Variants in PTPRH observed in about 807,000 individuals in gnomAD.
PTPRH encodes receptor-type tyrosine-protein phosphatase H.
A neutral mutation model predicts 130.2 loss-of-function variants in PTPRH; 113 were observed. That is an observed-to-expected ratio of 0.87 (90% CI 0.75 to 1.01). The LOEUF is 1.01. Among genes scored for constraint, PTPRH ranks in the 50% least tolerant of loss-of-function variants. PTPRH has a pLI of 0.00. For synonymous variants in PTPRH, 556 were observed against 577.9 expected (o/e 0.96, Z 0.54); for missense variants, 1,430 against 1,425.0 (o/e 1.00, Z -0.06).
intron 3 of PTPRH, among the ~76,000 whole-genome samples, chr19:55,205,840 G>C (rs1373620656): frequency 6.6e-6 from 1 of 151,194 alleles, no homozygotes; most frequent in Non-Finnish European, 1.5e-5. Flanking sequence ...AATGTCAACT[G>C]TCTCATTGAT....
At chr19:55,207,370 G>T (rs368645325) in intron 1 of PTPRH, 171 bp from the exon 2 acceptor site, 3 of 665,990 alleles carry the variant, frequency 4.5e-6, no homozygotes, top group African/African-American at 3.6e-5. Context: ...TTCCTGGGTC[G>T]AGGAGAGAAG....
chr19:55,189,619 C>T (rs1600000331), intron 12 of PTPRH: 3 of 451,286 alleles, frequency 6.6e-6, no homozygotes, highest in Non-Finnish European at 8.9e-6. Context: ...CTCCCACTTG[C>T]GTAGGCCTGT....
chr19:55,185,735 G>A (rs878983280), intron 17 of PTPRH, 73 bp from the exon 18 acceptor site: 45 of 1,595,100 alleles, frequency 2.8e-5, no homozygotes, highest in Non-Finnish European at 3.3e-5. Context: ...CCAGGAGCGG[G>A]TTCCCTGGGG....
chr19:55,188,541 T>C (rs1221227239), intron 12 of PTPRH, among the ~76,000 whole-genome samples: 1 of 150,868 alleles, frequency 6.6e-6, no homozygotes, highest in East Asian at 1.9e-4. Context: ...TAAAATAAAA[T>C]AAAAAATAAT....
chr19:55,203,452 G>A (rs1475408678), intron 5 of PTPRH, among the ~76,000 whole-genome samples: 1 of 142,202 alleles, frequency 7.0e-6, no homozygotes, highest in Non-Finnish European at 1.5e-5. Flanking sequence ...GTTTCTCTCT[G>A]TTGCCCAGGC....
At chr19:55,207,265 G>A in intron 1 of PTPRH, 66 bp from the exon 2 acceptor site, 1 of 1,552,870 alleles carries the variant, frequency 6.4e-7, no homozygotes, top group Non-Finnish European at 8.8e-7. Context: ...GAGGCCGAGG[G>A]GCTGGGAGGA....
In PTPRH at chr19:55,196,611, G is replaced by A. The variant is rs770794405; in HGVS notation, c.2168C>T (p.Pro723Leu). ...GEAVSVLGLG[P>L]ARSYPATITT... ...GATGGTGGCTGGGTAGGACCGAGCC[G>A]GCCCGAGACCCAACACAGACACAGC... Residue 723 changes from proline (P) to leucine (L), a missense_variant, in exon 10 of 20, where the codon CCG (proline) becomes CTG (leucine). By Grantham distance (98) the Pro-to-Leu change is moderately conservative. Coordinates refer to ENST00000376350, the MANE Select transcript of PTPRH (RefSeq NM_002842.5). The A allele has an allele frequency of 2.7e-5, 43 of 1,613,654 alleles. No homozygotes were observed. The highest frequency in any genetic ancestry group is 7.7e-5 in the South Asian group (7 of 91,064).
intron 1 of PTPRH, 128 bp from the exon 2 acceptor site, chr19:55,207,327 T>C (rs76990668): frequency 0.062 from 63,417 of 1,029,594 alleles, 2,220 homozygotes; most frequent in African/African-American, 0.092. Flanking sequence ...GAGGGGCCGG[T>C]GTTAGGCTGG....
At chr19:55,203,760 T>C (rs1206994252) in intron 5 of PTPRH, 22 bp downstream of exon 5, 9 of 1,584,986 alleles carry the variant, frequency 5.7e-6, no homozygotes, top group Non-Finnish European at 7.8e-6. Flanking sequence ...GAAATAAAAA[T>C]AAAACAGCGG....
chr19:55,209,421 C>A lies in PTPRH; in HGVS notation c.13G>T (p.Gly5Cys). 6.4e-7 allele frequency: 1 copy of A among 1,558,144 alleles called. No individual in the cohort carries two copies. The highest frequency in any genetic ancestry group is 2.4e-5 in the East Asian group (1 of 42,008). The change falls in exon 1 of 20, where the codon GGC becomes TGC. Residue 5 changes from glycine to cysteine, a missense_variant. By Grantham distance (159) the Gly-to-Cys change is radical (BLOSUM62 -3). Coordinates refer to ENST00000376350, the MANE Select transcript of PTPRH (RefSeq NM_002842.5). The surrounding 1 kb of genome is among the most constrained non-coding windows in gnomAD (Gnocchi z 4.1). ...TTCCCCCAGACCCCGAGGCCCCCGC[C>A]AGCCCCAGCCATGCCTCCAGACACT... MAGA[G>C]GGLGVWGNLV...
intron 11 of PTPRH, 35 bp from the exon 12 acceptor site, chr19:55,191,583 G>A (rs964915482): frequency 1.2e-6 from 2 of 1,613,404 alleles, no homozygotes; most frequent in Non-Finnish European, 1.7e-6. Flanking sequence ...AGGCTCAGGG[G>A]GTGAGGCTGC....
In PTPRH at chr19:55,202,443, T is replaced by C. The variant is rs550356008; in HGVS notation, c.887-121A>G. The C allele has an allele frequency of 4.2e-5, 60 of 1,426,688 alleles. No individual in the cohort carries two copies. In the African/African-American group the frequency reaches 7.2e-4, roughly 17 times the overall value. The allele number at this position is 1,426,688 out of a possible 1,614,324, so 88.4% of individuals were successfully genotyped here. ...GGAGGCCCAGTTCTGCACTGTCCAGTGTGGCAGCCACGAGTTCCACGTGAG... is the reference window on the plus strand; with the variant it reads ...GGAGGCCCAGTTCTGCACTGTCCAGCGTGGCAGCCACGAGTTCCACGTGAG... On this transcript the variant is annotated intron_variant, in intron 5 of 19. Transcript: ENST00000376350.
At position 55,197,151 on chromosome 19, in the gene PTPRH, T is replaced by C. The variant is rs756058447; in HGVS notation, c.1956A>G (p.Val652=). The C allele has an allele frequency of 1.9e-6, 3 of 1,614,242 alleles. No individual in the cohort carries two copies. In the Admixed American group the frequency reaches 5.0e-5, roughly 27 times the overall value. The change falls in exon 9 of 20, where the codon GTA becomes GTG. Residue 652 remains valine (V), a synonymous_variant. Coordinates refer to ENST00000376350, the MANE Select transcript of PTPRH (RefSeq NM_002842.5). ...NFTVWAERND[V]ASSTQSLCAS... is the part of the protein sequence containing the mutation. ...CACAGAGGCTCTGCGTGGAACTGGCTACGTCATTCCTCTCTGCCCACACGG... is the reference window on the plus strand; with the variant it reads ...CACAGAGGCTCTGCGTGGAACTGGCCACGTCATTCCTCTCTGCCCACACGG...
intron 3 of PTPRH, 133 bp downstream of exon 3, chr19:55,206,556 T>C (rs1043124248): frequency 1.1e-5 from 10 of 951,204 alleles, no homozygotes; most frequent in African/African-American, 3.4e-5. Flanking sequence ...TGATAGAAAA[T>C]TGAAATTCTC....
Position 55,200,225 on chromosome 19 carries a change from A to G in PTPRH, c.1420+11T>C, listed in dbSNP as rs1376535891. The G allele has an allele frequency of 1.2e-6, 2 of 1,613,314 alleles. No homozygotes were observed. Among genetic ancestry groups the G allele is most frequent in the South Asian group, 1.1e-5 (1 of 91,052 alleles). On this transcript the variant is annotated intron_variant, in intron 7 of 19. Transcript: ENST00000376350. ...TCACCAAAACAGGGAGTGGCCGTTG[A>G]GGGTTCCTACCTGTGGAGATGCTGA...
At position 55,191,726 on chromosome 19, in the gene PTPRH, G is replaced by T. The variant is rs61734204; in HGVS notation, c.2273C>A (p.Ala758Asp). ...GAGAAACAGGAGGATGCCCACAAAG[G>T]CTCCGGCAATGACCCCTGTGGGGAG... is the stretch of plus-strand genomic sequence containing the variant. ...HTESAGVIAG[A>D]FVGILLFLIL... The change falls in exon 11 of 20, where the codon GCC becomes GAC. Residue 758 changes from alanine (A) to aspartate (D), a missense_variant. Transcript: ENST00000376350. The T allele has an allele frequency of 7.4e-3, 12,010 of 1,613,874 alleles. 52 individuals are homozygous for T. The highest frequency in any genetic ancestry group is 8.5e-3 in the Non-Finnish European group (10,082 of 1,179,878).
intron 13 of PTPRH, 42 bp from the exon 14 acceptor site, chr19:55,187,645 TCTA>T: frequency 6.7e-7 from 1 of 1,483,574 alleles, no homozygotes; most frequent in East Asian, 2.3e-5. Flanking sequence ...TTGGATTTTC[TCTA>T]CTTTCCCTCG....
At position 55,200,332 on chromosome 19, in the gene PTPRH, C is replaced by T. The variant is rs202145164; in HGVS notation, c.1324G>A (p.Ala442Thr). The stretch of plus-strand genomic sequence containing the variant: ...AAGGTTCCGGGCTCAAGTCTCTCAG[C>T]TGTCACACTGGTATTTGTTGTGTTT... ...TRNTTNTSVT[A>T]ERLEPGTLYT... The change falls in exon 7 of 20, where the codon GCT becomes ACT. Residue 442 changes from alanine to threonine, a missense_variant. By Grantham distance (58) the Ala-to-Thr change is moderately conservative (BLOSUM62 0). Transcript: ENST00000376350. 8.2e-5 allele frequency: 132 copies of T among 1,614,092 alleles called. No homozygotes were observed. Among genetic ancestry groups the T allele is most frequent in the Non-Finnish European group, 1.1e-4 (128 of 1,180,054 alleles).
rs2086419383 is a variant in PTPRH at position 55,188,146 on chromosome 19, C to T, written c.2407G>A (p.Glu803Lys). 1 of 1,614,060 alleles carries T rather than the reference C, an allele frequency of 6.2e-7. No individual in the cohort carries two copies. Among genetic ancestry groups the T allele is most frequent in the African/African-American group, 1.3e-5 (1 of 75,048 alleles). ...TTCCTGACGTGGTCAGCGAAGTCTT[C>T]AGCTGGGATGTCCCCTGGGGAGCTA... is the stretch of plus-strand genomic sequence containing the variant. ...VFSSPGDIPAEDFADHVRKNE... is the reference protein window; with the variant it reads ...VFSSPGDIPAKDFADHVRKNE... Residue 803 changes from glutamate to lysine, a missense_variant, in exon 13 of 20, where the codon GAA becomes AAA. By Grantham distance (56) the Glu-to-Lys change is moderately conservative. Transcript: ENST00000376350.
Sources: gnomAD v4.1 joint callset for allele counts (sites outside exome capture counted in the v4.1 genomes callset) on GRCh38, gnomAD v4.1.1 for gene constraint, Gnocchi (gnomAD v3.1) non-coding constraint, MANE v1.5 for transcripts, NCBI Gene and HGNC (gene_info 2026-07-23, HGNC 2026-07-21) for gene names.